The following ARMH3 variants were observed in gnomAD, a reference collection of about 807,000 sequenced individuals.
ARMH3 encodes armadillo like helical domain containing 3.
A neutral mutation model predicts 99.1 loss-of-function variants in ARMH3; 60 were observed. The ratio of observed to expected loss-of-function variants is 0.61; its 90% confidence interval spans 0.49 to 0.75. The LOEUF (loss-of-function observed/expected upper bound fraction) is 0.75. Ranked by LOEUF, ARMH3 falls within the 30% of genes least tolerant of loss-of-function variation. The pLI, the probability that ARMH3 is intolerant of heterozygous loss-of-function variation, is 0.00. For missense variants in ARMH3, 679 were observed against 843.1 expected (o/e 0.81, Z 2.41); for synonymous variants, 285 against 292.8 (o/e 0.97, Z 0.27).
chr10:102,031,662 T>C (rs1373881349), intron 4 of ARMH3, among the ~76,000 whole-genome samples: 1 of 152,246 alleles, frequency 6.6e-6, no homozygotes, highest in Non-Finnish European at 1.5e-5. Context: ...CAAAGTGATC[T>C]GCCTAACTAG....
At chr10:101,921,819 C>T (rs1843318616) in intron 23 of ARMH3, among the ~76,000 whole-genome samples, 1 of 152,150 alleles carries the variant, frequency 6.6e-6, no homozygotes, top group Non-Finnish European at 1.5e-5. Flanking sequence ...ACACCAGAGG[C>T]TGGCTGGGAA....
At chr10:101,934,274 G>A (rs1843852544) in intron 23 of ARMH3, among the ~76,000 whole-genome samples, 1 of 152,204 alleles carries the variant, frequency 6.6e-6, no homozygotes, top group Non-Finnish European at 1.5e-5. Context: ...GAGGGGAAGA[G>A]TGTTTTTTAG....
At chr10:101,872,745 G>T (rs2135373234) in intron 24 of ARMH3, among the ~76,000 whole-genome samples, 1 of 152,142 alleles carries the variant, frequency 6.6e-6, no homozygotes, top group Admixed American at 6.5e-5. Context: ...ATCATCTGAG[G>T]TCAGGAGTTC....
At chr10:101,987,079 C>T (rs758089362) in intron 19 of ARMH3, among the ~76,000 whole-genome samples, 1 of 152,148 alleles carries the variant, frequency 6.6e-6, no homozygotes. Flanking sequence ...TTTGGGTAAA[C>T]AGATAATATA....
intron 14 of ARMH3, among the ~76,000 whole-genome samples, chr10:102,006,011 T>C (rs1426122162): frequency 6.6e-6 from 1 of 152,258 alleles, no homozygotes; most frequent in Non-Finnish European, 1.5e-5. Flanking sequence ...CTGGGCACTA[T>C]GCTAGGCATT....
At chr10:102,026,025 G>A (rs1407338303) in intron 5 of ARMH3, among the ~76,000 whole-genome samples, 2 of 152,172 alleles carry the variant, frequency 1.3e-5, no homozygotes, top group East Asian at 3.8e-4. Context: ...ATCATTACAG[G>A]CTATCACTAG....
chr10:101,852,394 G>C lies in ARMH3; in HGVS notation c.1861-2502C>G, dbSNP rs1045015266. ...CAATAAAGCTGGCTTTTGCCAGCAT[G>C]GTTTAGTTTAGTTTGTTACAGGGAG... On this transcript the variant is annotated intron_variant, in intron 24 of 25. Transcript: ENST00000370033. Among the ~76,000 whole-genome samples the C allele has an allele frequency of 6.7e-4, 102 of 152,208 alleles. 2 individuals carry two copies. The highest frequency in any genetic ancestry group is 6.6e-3 in the Admixed American group (101 of 15,270).
intron 24 of ARMH3, among the ~76,000 whole-genome samples, chr10:101,881,056 G>C (rs2067403605): frequency 6.6e-6 from 1 of 152,170 alleles, no homozygotes; most frequent in Non-Finnish European, 1.5e-5. Flanking sequence ...CAGATATAAA[G>C]CATGTTATTT....
intron 20 of ARMH3, among the ~76,000 whole-genome samples, chr10:101,974,394 G>A (rs920512067): frequency 5.9e-5 from 9 of 152,242 alleles, no homozygotes; most frequent in African/African-American, 1.9e-4. Flanking sequence ...TCCCATGGGT[G>A]GGCAACCCTT....
chr10:101,903,498 G>A (rs2068027657), intron 23 of ARMH3, among the ~76,000 whole-genome samples: 1 of 152,152 alleles, frequency 6.6e-6, no homozygotes, highest in South Asian at 2.1e-4. Flanking sequence ...ACAGAGGAGG[G>A]GTGCTTAGCC....
intron 1 of ARMH3, among the ~76,000 whole-genome samples, chr10:102,051,483 AAAAAAG>A (rs1039067695): frequency 2.6e-5 from 4 of 151,892 alleles, no homozygotes; most frequent in African/African-American, 4.8e-5. Context: ...GGAAAAAAAA[AAAAAAG>A]AAAAAGAAAA....
chr10:101,913,737 T>G (rs1842965511), intron 23 of ARMH3, among the ~76,000 whole-genome samples: 1 of 152,150 alleles, frequency 6.6e-6, no homozygotes, highest in Non-Finnish European at 1.5e-5. Context: ...ACCTGTTTGG[T>G]TTGGTGCGTA....
intron 13 of ARMH3, among the ~76,000 whole-genome samples, chr10:102,009,039 A>C (rs936637839): frequency 6.6e-6 from 1 of 152,236 alleles, no homozygotes; most frequent in Admixed American, 6.5e-5. Context: ...AGTGGTGTGG[A>C]AAGCAGAAAG....
At chr10:101,911,591 C>T (rs1842868612) in intron 23 of ARMH3, among the ~76,000 whole-genome samples, 1 of 152,134 alleles carries the variant, frequency 6.6e-6, no homozygotes, top group African/African-American at 2.4e-5. Flanking sequence ...AGTAGCTGGG[C>T]ATGGTGGTAT....
intron 20 of ARMH3, among the ~76,000 whole-genome samples, chr10:101,963,870 TTTTC>T (rs544919200): frequency 1.6e-3 from 248 of 151,408 alleles, no homozygotes; most frequent in African/African-American, 5.7e-3. Flanking sequence ...GGGGTTCTCT[TTTTC>T]TTTCTTTTTT....
At chr10:101,863,021 T>G (rs2066909941) in intron 24 of ARMH3, among the ~76,000 whole-genome samples, 1 of 152,038 alleles carries the variant, frequency 6.6e-6, no homozygotes, top group South Asian at 2.1e-4. Flanking sequence ...CTGACCAAGA[T>G]GGAGAAACCC....
chr10:102,053,142 C>T (rs1349625177), intron 1 of ARMH3, among the ~76,000 whole-genome samples: 1 of 149,362 alleles, frequency 6.7e-6, no homozygotes, highest in African/African-American at 2.5e-5. Context: ...TAATTAGTCT[C>T]ACTGCCTCAT....
At chr10:101,996,279 G>C (rs1414174075) in intron 15 of ARMH3, among the ~76,000 whole-genome samples, 2 of 152,190 alleles carry the variant, frequency 1.3e-5, no homozygotes, top group South Asian at 2.1e-4. Flanking sequence ...CCAATCTAGA[G>C]AGAAGACCTC....
chr10:101,888,528 A>G (rs2135438698), intron 24 of ARMH3, among the ~76,000 whole-genome samples: 1 of 152,350 alleles, frequency 6.6e-6, no homozygotes, highest in South Asian at 2.1e-4. Flanking sequence ...TTTGAGGAAC[A>G]CTGAAACACA....
Sources: allele counts gnomAD v4.1 joint callset (sites outside exome capture counted in the v4.1 genomes callset), GRCh38; gene constraint gnomAD v4.1.1; transcripts MANE v1.5; gene names NCBI Gene and HGNC (gene_info 2026-07-23, HGNC 2026-07-21).